OSMR: variants seen among roughly 807,000 people sequenced by gnomAD.
OSMR encodes the protein oncostatin-M-specific receptor subunit beta.
A neutral mutation model predicts 99.9 loss-of-function variants in OSMR; 81 were observed. That is an observed-to-expected ratio of 0.81 (90% confidence interval 0.68 to 0.97). OSMR has a LOEUF of 0.97. OSMR is among the 50% of genes least tolerant of loss of function. OSMR has a pLI of 0.00. For missense variants in OSMR, 1,099 were observed against 1,153.4 expected (o/e 0.95, Z 0.68); for synonymous variants, 406 against 410.4 (o/e 0.99, Z 0.13).
At chr5:38,915,076 T>C (rs1056122105) in intron 9 of OSMR, among the ~76,000 whole-genome samples, 8 of 152,204 alleles carry the variant, frequency 5.3e-5, no homozygotes, top group Non-Finnish European at 1.0e-4. Flanking sequence ...TTCACTAAAT[T>C]TGATTATTAA....
intron 3 of OSMR, among the ~76,000 whole-genome samples, chr5:38,879,717 G>A (rs544760775): frequency 4.7e-5 from 7 of 149,138 alleles, no homozygotes; most frequent in African/African-American, 1.5e-4. Flanking sequence ...TCCGTCTTCC[G>A]GGTTCTAGCG....
At chr5:38,885,517 T>A (rs925031667) in intron 6 of OSMR, 33 bp downstream of exon 6, 2 of 1,613,386 alleles carry the variant, frequency 1.2e-6, no homozygotes, top group Non-Finnish European at 1.7e-6. Context: ...ATTGACAACT[T>A]CTTCCTTGCT....
At position 38,907,288 on chromosome 5, in the gene OSMR, G is replaced by A. The variant is rs117179982; in HGVS notation, c.1285+2785G>A. Among the ~76,000 whole-genome samples, 1,375 of 152,276 alleles carry A rather than the reference G, an allele frequency of 9.0e-3. 146 individuals are homozygous for A. In the East Asian group the frequency reaches 0.23, roughly 26 times the overall value. Reference sequence around the variant, plus strand: ...GTTGAACAGGCGGCCTGCCCCTGCCGTGGACCTTTGGAATCCAGGCAGCAG... The same window carrying A: ...GTTGAACAGGCGGCCTGCCCCTGCCATGGACCTTTGGAATCCAGGCAGCAG... On this transcript the variant is annotated intron_variant, in intron 9 of 17. Transcript: ENST00000274276.
At chr5:38,868,729 C>A (rs1579660864) in intron 1 of OSMR, among the ~76,000 whole-genome samples, 2 of 152,070 alleles carry the variant, frequency 1.3e-5, no homozygotes, top group Admixed American at 1.3e-4. Flanking sequence ...GTAGGGTAGC[C>A]CATAAATGCT....
intron 7 of OSMR, chr5:38,886,466 C>A: frequency 1.5e-6 from 1 of 654,122 alleles, no homozygotes; most frequent in Non-Finnish European, 2.2e-6. Context: ...CATCCTGTAA[C>A]GCCCCCACCT....
At position 38,931,860 on chromosome 5, in the gene OSMR, T is replaced by C. The variant is rs772916833; in HGVS notation, c.2213-23T>C. 6.9e-6 allele frequency: 11 copies of C among 1,605,658 alleles called. No homozygotes were observed. In the South Asian group the frequency reaches 1.2e-4, roughly 18 times the overall value. On this transcript the variant is annotated intron_variant, in intron 15 of 17. Coordinates refer to ENST00000274276, the MANE Select transcript of OSMR (RefSeq NM_003999.3). ...AAGGGAAAAGTACTTATTAAAAATG[T>C]CCCTTTCTTTTTCCTCGTTCAGCCT...
chr5:38,885,120 C>A, intron 5 of OSMR: 1 of 876,658 alleles, frequency 1.1e-6, no homozygotes, highest in Non-Finnish European at 1.4e-6. Context: ...ATGGACCATC[C>A]ATGCCCATGA....
At chr5:38,928,542 T>A (rs917471117) in intron 15 of OSMR, among the ~76,000 whole-genome samples, 37 of 152,054 alleles carry the variant, frequency 2.4e-4, no homozygotes, top group African/African-American at 8.0e-4. Flanking sequence ...TATAAAACCA[T>A]CAGATCTTGT....
At chr5:38,870,330 C>CTT (rs374861159) in intron 2 of OSMR, among the ~76,000 whole-genome samples, 1,187 of 115,054 alleles carry the variant, frequency 0.01, 33 homozygotes, top group African/African-American at 0.027. Flanking sequence ...GAATGATTTT[C>CTT]TTTTTTTTTT....
In OSMR at chr5:38,884,097, T is replaced by C. The variant is rs886072456; in HGVS notation, c.689T>C (p.Val230Ala). 6.8e-6 allele frequency: 11 copies of C among 1,613,528 alleles called. No homozygotes were observed. Among genetic ancestry groups the C allele is most frequent in the Admixed American group, 3.3e-5 (2 of 60,024 alleles). The change falls in exon 5 of 18, where the codon GTT (valine) becomes GCT (alanine). Residue 230 changes from valine (V) to alanine (A), a missense_variant. Transcript: ENST00000274276. ...GNVSEGMKGI[V>A]LFVSKVLEEP... is the part of the protein sequence containing the mutation. Reference sequence around the variant, plus strand: ...GTCAGTGAAGGCATGAAAGGCATCGTTCTTTTTGTCTCAAGTAAGTGTGCA... The same window carrying C: ...GTCAGTGAAGGCATGAAAGGCATCGCTCTTTTTGTCTCAAGTAAGTGTGCA...
chr5:38,877,500 T>G (rs1270162621), intron 3 of OSMR, among the ~76,000 whole-genome samples: 1 of 152,240 alleles, frequency 6.6e-6, no homozygotes, highest in Non-Finnish European at 1.5e-5. Context: ...ACAGCAATAC[T>G]TCTGTGTAGC....
chr5:38,894,163 G>T (rs954922115), intron 7 of OSMR, among the ~76,000 whole-genome samples: 2 of 152,094 alleles, frequency 1.3e-5, no homozygotes, highest in Non-Finnish European at 2.9e-5. Context: ...AACCTTACAA[G>T]AAATCTTTAA....
chr5:38,923,223 A>T lies in OSMR; in HGVS notation c.1839A>T (p.Leu613Phe), dbSNP rs199519967. 6.2e-7 allele frequency: 1 copy of T among 1,609,958 alleles called. No homozygotes were observed. Among genetic ancestry groups the T allele is most frequent in the African/African-American group, 1.3e-5 (1 of 74,930 alleles). The part of the protein sequence containing the change: ...GLSTKRIACL[L>F]EKKTGYSQEL... ...CTACAAAAAGGATTGCTTGTTTATTAGAGAAAAAAACAGGATACTCTCAGG... is the reference window on the plus strand; with the variant it reads ...CTACAAAAAGGATTGCTTGTTTATTTGAGAAAAAAACAGGATACTCTCAGG... The change falls in exon 13 of 18, where the codon TTA becomes TTT. Residue 613 changes from leucine (L) to phenylalanine (F), a missense_variant. Physicochemically the swap from Leu to Phe is conservative, Grantham distance 22. Coordinates refer to ENST00000274276, the MANE Select transcript of OSMR (RefSeq NM_003999.3).
rs773759068 is a variant in OSMR at position 38,881,655 on chromosome 5, C to G, written c.309C>G (p.Leu103=). 3.1e-6 allele frequency: 5 copies of G among 1,613,998 alleles called. No individual in the cohort carries two copies. Among genetic ancestry groups the G allele is most frequent in the Non-Finnish European group, 4.2e-6 (5 of 1,180,012 alleles). The part of the protein sequence containing the change: ...QVLHWSWESE[L]PLECATHFVR... ...TGCATTGGAGCTGGGAATCTGAGCT[C>G]CCTTTGGAATGTGCCACACACTTTG... Residue 103 remains leucine, a synonymous_variant, in exon 4 of 18, where the codon CTC becomes CTG. Coordinates refer to ENST00000274276, the MANE Select transcript of OSMR (RefSeq NM_003999.3).
intron 14 of OSMR, chr5:38,924,998 T>C (rs1005583313): frequency 2.6e-6 from 2 of 763,488 alleles, no homozygotes; most frequent in Non-Finnish European, 1.6e-6. Flanking sequence ...GTTCAGTGGA[T>C]TTTTTGCTTT....
At chr5:38,881,496 A>C (rs1579694231) in intron 3 of OSMR, 97 bp from the exon 4 acceptor site, 2 of 1,609,210 alleles carry the variant, frequency 1.2e-6, no homozygotes, top group East Asian at 4.5e-5. Flanking sequence ...TGGACCTGCA[A>C]TGGGGTCTTA....
In OSMR at chr5:38,880,826, CT is replaced by C. The variant is rs1743223350; in HGVS notation, c.247-766del. Among the ~76,000 whole-genome samples, 5 of 152,310 alleles carry C rather than the reference CT, an allele frequency of 3.3e-5. 1 individual carries two copies. The South Asian group carries it at 1.0e-3, about 32-fold the overall frequency. On this transcript the variant is annotated intron_variant, in intron 3 of 17. Coordinates refer to ENST00000274276, the MANE Select transcript of OSMR (RefSeq NM_003999.3). Reference sequence around the variant, plus strand: ...CAAGGTGTAAACGGGCCTTTGAAGCCTGTGGAATTAGAGAATGGAAATGCCA... The same window carrying C: ...CAAGGTGTAAACGGGCCTTTGAAGCCGTGGAATTAGAGAATGGAAATGCCA...
chr5:38,862,179 C>T (rs1741448756), intron 1 of OSMR, among the ~76,000 whole-genome samples: 1 of 123,096 alleles, frequency 8.1e-6, no homozygotes, highest in Non-Finnish European at 1.7e-5. Flanking sequence ...TCCTCACTTC[C>T]CAGTAGGGGC....
intron 9 of OSMR, among the ~76,000 whole-genome samples, chr5:38,916,762 A>G (rs1368802720): frequency 2.0e-5 from 3 of 152,198 alleles, no homozygotes; most frequent in South Asian, 2.1e-4. Context: ...AGATTGGGAC[A>G]TTGAAGCAGG....
Sources: allele counts gnomAD v4.1 joint callset (sites outside exome capture counted in the v4.1 genomes callset), GRCh38; gene constraint gnomAD v4.1.1; transcripts MANE v1.5; gene names NCBI Gene and HGNC (gene_info 2026-07-23, HGNC 2026-07-21).